Variants in PRKN observed in about 807,000 individuals in gnomAD.
The protein encoded by PRKN is parkin RBR E3 ubiquitin protein ligase.
PRKN carries 56 observed loss-of-function variants against 59.5 expected under a neutral mutation model. The ratio of observed to expected loss-of-function variants is 0.94; its 90% CI spans 0.76 to 1.18. The LOEUF (loss-of-function observed/expected upper bound fraction) is 1.18, where lower values mean the gene tolerates loss of function less well. Ranked by LOEUF, PRKN falls within the 50% of genes most tolerant of loss-of-function variation. The pLI is 0.00. For missense variants in PRKN, 657 were observed against 596.4 expected, an observed-to-expected ratio of 1.10 and a Z score of -1.06; for synonymous variants, 250 against 222.1, an observed-to-expected ratio of 1.13 and a Z score of -1.12.
At chr6:162,385,787 T>C (rs1786770531) in intron 2 of PRKN, among the ~76,000 whole-genome samples, 1 of 152,158 alleles carries the variant, frequency 6.6e-6, no homozygotes, top group South Asian at 2.1e-4. Context: ...AAAAATGATA[T>C]ATTGTTTTCT....
intron 7 of PRKN, among the ~76,000 whole-genome samples, chr6:161,652,453 T>C (rs1784184530): frequency 6.6e-6 from 1 of 152,218 alleles, no homozygotes; most frequent in African/African-American, 2.4e-5. Context: ...GACTATAGTA[T>C]TATATTTATA....
At chr6:161,641,195 C>T (rs1783724141) in intron 7 of PRKN, among the ~76,000 whole-genome samples, 1 of 152,236 alleles carries the variant, frequency 6.6e-6, no homozygotes, top group South Asian at 2.1e-4. Context: ...GACTAGACTG[C>T]TTTTGCAGGA....
At chr6:162,258,152 C>T (rs1031992006) in intron 3 of PRKN, among the ~76,000 whole-genome samples, 2 of 152,176 alleles carry the variant, frequency 1.3e-5, no homozygotes, top group Admixed American at 6.5e-5. Flanking sequence ...CTGTATATTA[C>T]GGAACTCCCC....
chr6:162,176,664 G>A (rs1342151417), intron 4 of PRKN, among the ~76,000 whole-genome samples: 1 of 152,032 alleles, frequency 6.6e-6, no homozygotes, highest in Non-Finnish European at 1.5e-5. Context: ...TAATCGACAG[G>A]TGACTACATG....
chr6:162,525,496 G>C (rs1318280552), intron 1 of PRKN, among the ~76,000 whole-genome samples: 1 of 152,100 alleles, frequency 6.6e-6, no homozygotes, highest in Non-Finnish European at 1.5e-5. Flanking sequence ...CGTGAGGCGT[G>C]GCCTCATCTA....
intron 3 of PRKN, among the ~76,000 whole-genome samples, chr6:162,253,062 C>T (rs1194061817): frequency 6.6e-6 from 1 of 152,182 alleles, no homozygotes; most frequent in South Asian, 2.1e-4. Context: ...TTCTGGTGGC[C>T]AGGACGCTGT....
intron 7 of PRKN, among the ~76,000 whole-genome samples, chr6:161,603,442 A>G (rs1181900850): frequency 6.6e-6 from 1 of 152,210 alleles, no homozygotes; most frequent in Non-Finnish European, 1.5e-5. Flanking sequence ...TATCCTATAA[A>G]AGCTTTCCCT....
intron 1 of PRKN, among the ~76,000 whole-genome samples, chr6:162,616,211 A>G (rs561718650): frequency 6.6e-6 from 1 of 152,230 alleles, no homozygotes; most frequent in East Asian, 1.9e-4. Flanking sequence ...CTGCCTTCTG[A>G]AGACTTTGTG....
intron 5 of PRKN, among the ~76,000 whole-genome samples, chr6:162,051,148 G>A (rs1262545531): frequency 6.6e-6 from 1 of 152,130 alleles, no homozygotes; most frequent in Non-Finnish European, 1.5e-5. Flanking sequence ...AGGAAACCTG[G>A]AGCCAAAGCT....
At chr6:162,166,461 T>TG (rs1038182887) in intron 4 of PRKN, among the ~76,000 whole-genome samples, 1 of 152,174 alleles carries the variant, frequency 6.6e-6, no homozygotes, top group African/African-American at 2.4e-5. Flanking sequence ...TGACAGGGGC[T>TG]GAGGCTGTAC....
At chr6:162,154,960 C>T (rs529501869) in intron 4 of PRKN, among the ~76,000 whole-genome samples, 1 of 147,548 alleles carries the variant, frequency 6.8e-6, no homozygotes, top group South Asian at 2.1e-4. Flanking sequence ...CTCTGGATTT[C>T]AGGTGATGCA....
intron 6 of PRKN, among the ~76,000 whole-genome samples, chr6:161,802,538 C>T (rs1208652406): frequency 3.9e-5 from 6 of 152,054 alleles, no homozygotes; most frequent in Non-Finnish European, 8.8e-5. Context: ...AGCCTTTCTC[C>T]GGCTCCTCCT....
intron 6 of PRKN, among the ~76,000 whole-genome samples, chr6:161,874,004 A>G (rs1349325977): frequency 4.2e-5 from 3 of 70,786 alleles, no homozygotes; most frequent in African/African-American, 1.5e-4. Flanking sequence ...TATAATATAT[A>G]AAATATATAT....
At chr6:162,587,594 A>C (rs1481024650) in intron 1 of PRKN, among the ~76,000 whole-genome samples, 1 of 152,194 alleles carries the variant, frequency 6.6e-6, no homozygotes, top group African/African-American at 2.4e-5. Flanking sequence ...AAATATATTT[A>C]TGATAATATA....
chr6:161,623,034 T>C (rs1782962945), intron 7 of PRKN, among the ~76,000 whole-genome samples: 1 of 152,222 alleles, frequency 6.6e-6, no homozygotes, highest in Non-Finnish European at 1.5e-5. Flanking sequence ...TCATGTGCTA[T>C]AGCTATTTAC....
chr6:161,573,758 ATATATATATATAT>A, intron 7 of PRKN, among the ~76,000 whole-genome samples: 2 of 41,244 alleles, frequency 4.8e-5, no homozygotes, highest in African/African-American at 1.8e-4. Context: ...AAAAAAAAAT[ATATATATATATAT>A]ATATATATAT....
chr6:162,100,653 G>A (rs1335003767), intron 4 of PRKN, among the ~76,000 whole-genome samples: 2 of 151,938 alleles, frequency 1.3e-5, no homozygotes, highest in Non-Finnish European at 2.9e-5. Flanking sequence ...TTTTGGCCAG[G>A]CTGCTCTCAA....
intron 5 of PRKN, among the ~76,000 whole-genome samples, chr6:162,038,386 T>C (rs1271636086): frequency 6.6e-6 from 1 of 152,164 alleles, no homozygotes; most frequent in Non-Finnish European, 1.5e-5. Context: ...ACTATGGTCA[T>C]AATAACTACA....
intron 6 of PRKN, among the ~76,000 whole-genome samples, chr6:161,851,668 T>G (rs1401472460): frequency 6.6e-6 from 1 of 151,612 alleles, no homozygotes; most frequent in African/African-American, 2.4e-5. Flanking sequence ...GTATTTTTGG[T>G]AGAGACAGGG....
Sources: gnomAD v4.1 joint callset for allele counts (sites outside exome capture counted in the v4.1 genomes callset) on GRCh38, gnomAD v4.1.1 for gene constraint, MANE v1.5 for transcripts, NCBI Gene and HGNC (gene_info 2026-07-23, HGNC 2026-07-21) for gene names.